C8orf89: variants seen among roughly 807,000 people sequenced by gnomAD.
The protein encoded by C8orf89 is chromosome 8 open reading frame 89, also known as putative uncharacterized protein C8orf89.
Under a neutral mutation model 15.8 loss-of-function variants are expected in C8orf89, and 14 were observed. The observed-to-expected ratio is 0.89, with a 90% confidence interval of 0.59 to 1.39. The LOEUF (loss-of-function observed/expected upper bound fraction) is 1.39. Among genes scored for constraint, C8orf89 ranks in the 40% most tolerant of loss-of-function variants. C8orf89 has a pLI of 0.00. For missense variants in C8orf89, 181 were observed against 184.5 expected (o/e 0.98, Z 0.11); for synonymous variants, 55 against 62.2 (o/e 0.88, Z 0.54).
chr8:73,260,254 C>A (rs797017992), upstream of C8orf89, among the ~76,000 whole-genome samples: 2 of 152,176 alleles, frequency 1.3e-5, 1 homozygote, highest in African/African-American at 4.8e-5. Context: ...ATGGATAATA[C>A]ATTTCTCTGA....
At chr8:73,246,498 C>T (rs1813126652) in intron 3 of C8orf89, among the ~76,000 whole-genome samples, 1 of 152,204 alleles carries the variant, frequency 6.6e-6, no homozygotes. Context: ...CCTGCCTCAG[C>T]TCCCTGAGTA....
the C8orf89 span, among the ~76,000 whole-genome samples, chr8:73,283,493 A>C: frequency 3.3e-5 from 5 of 152,334 alleles, no homozygotes; most frequent in African/African-American, 1.2e-4. Context: ...TCATAAGGTG[A>C]GGATTAAATT....
At chr8:73,285,249 G>C in the C8orf89 span, among the ~76,000 whole-genome samples, 152 of 152,260 alleles carry the variant, frequency 1.0e-3, no homozygotes, top group African/African-American at 3.5e-3. Context: ...CAATCTGTAA[G>C]GGTGTGTCCA....
chr8:73,269,888 G>A, the C8orf89 span, among the ~76,000 whole-genome samples: 1 of 152,144 alleles, frequency 6.6e-6, no homozygotes, highest in Non-Finnish European at 1.5e-5. Context: ...ATTTTAAAAT[G>A]TATTAAAAGG....
intron 2 of C8orf89, among the ~76,000 whole-genome samples, chr8:73,253,642 G>A (rs1207056801): frequency 1.3e-5 from 2 of 151,536 alleles, no homozygotes; most frequent in African/African-American, 2.4e-5. Context: ...TCCTTGAAGA[G>A]GTCCTTCACG....
intron 3 of C8orf89, among the ~76,000 whole-genome samples, chr8:73,243,133 A>G (rs183614086): frequency 2.0e-5 from 3 of 152,190 alleles, no homozygotes; most frequent in Admixed American, 2.0e-4. Flanking sequence ...GATAGAGACT[A>G]GAAGGATGGT....
chr8:73,261,557 C>T (rs953416698), upstream of C8orf89, among the ~76,000 whole-genome samples: 1 of 152,018 alleles, frequency 6.6e-6, no homozygotes, highest in African/African-American at 2.4e-5. Context: ...TCCTGAGGGG[C>T]CACTGCCTCA....
chr8:73,254,362 A>C (rs998487196), intron 2 of C8orf89, among the ~76,000 whole-genome samples: 5 of 152,034 alleles, frequency 3.3e-5, no homozygotes, highest in African/African-American at 1.2e-4. Context: ...TTTTTGCATC[A>C]ATGTTCATCA....
chr8:73,254,716 G>A (rs1276364478), intron 2 of C8orf89, among the ~76,000 whole-genome samples: 2 of 152,040 alleles, frequency 1.3e-5, no homozygotes, highest in Admixed American at 1.3e-4. Flanking sequence ...AGACATCTGT[G>A]GGTCTGAGTT....
chr8:73,254,049 C>T (rs368290862), intron 2 of C8orf89, among the ~76,000 whole-genome samples: 2 of 152,096 alleles, frequency 1.3e-5, no homozygotes, highest in Non-Finnish European at 2.9e-5. Context: ...TGCCCATTCA[C>T]TATGATATTG....
At chr8:73,255,260 A>C (rs1480891947) in intron 2 of C8orf89, among the ~76,000 whole-genome samples, 1 of 152,176 alleles carries the variant, frequency 6.6e-6, no homozygotes, top group Non-Finnish European at 1.5e-5. Context: ...ATTAACTCAA[A>C]CAAATTTACA....
intron 2 of C8orf89, among the ~76,000 whole-genome samples, chr8:73,254,180 A>G (rs1204586551): frequency 6.6e-6 from 1 of 152,098 alleles, no homozygotes; most frequent in African/African-American, 2.4e-5. Flanking sequence ...TTCTGCATCT[A>G]TTGAGATAAT....
chr8:73,267,097 G>C, the C8orf89 span, among the ~76,000 whole-genome samples: 5 of 152,014 alleles, frequency 3.3e-5, no homozygotes, highest in African/African-American at 1.2e-4. Flanking sequence ...GTAAATATAC[G>C]GTAATCCCCC....
At chr8:73,285,314 T>C in the C8orf89 span, among the ~76,000 whole-genome samples, 3 of 152,292 alleles carry the variant, frequency 2.0e-5, no homozygotes, top group African/African-American at 7.2e-5. Flanking sequence ...GCAGAAAGAA[T>C]ATACAGATCC....
intron 3 of C8orf89, among the ~76,000 whole-genome samples, chr8:73,245,434 T>C (rs1284465739): frequency 1.3e-5 from 2 of 152,014 alleles, no homozygotes; most frequent in Non-Finnish European, 2.9e-5. Context: ...AGGTTGAAAA[T>C]TTAAAACATA....
At chr8:73,259,991 C>G (rs184885083), upstream of C8orf89, among the ~76,000 whole-genome samples, 20 of 152,150 alleles carry the variant, frequency 1.3e-4, no homozygotes, top group African/African-American at 4.8e-4. Context: ...CCACCATGAC[C>G]GCTACCATTT....
chr8:73,267,942 A>G, the C8orf89 span, among the ~76,000 whole-genome samples: 1 of 152,176 alleles, frequency 6.6e-6, no homozygotes, highest in South Asian at 2.1e-4. Context: ...CACCATCTAT[A>G]TAGCATTCTT....
At chr8:73,278,154 G>A in the C8orf89 span, 1 of 241,964 alleles carries the variant, frequency 4.1e-6, no homozygotes, top group Non-Finnish European at 8.1e-6. Context: ...CTGAATAGAT[G>A]CTTACAAAAA....
chr8:73,267,209 CTATGATAATTTATAAAT>C, the C8orf89 span, among the ~76,000 whole-genome samples: 3 of 152,052 alleles, frequency 2.0e-5, no homozygotes, highest in African/African-American at 7.2e-5. Flanking sequence ...ATATACATAC[CTATGATAATTTATAAAT>C]TAGGCACAGT....
Sources: allele counts gnomAD v4.1 joint callset (sites outside exome capture counted in the v4.1 genomes callset), GRCh38; gene constraint gnomAD v4.1.1; transcripts MANE v1.5; gene names NCBI Gene and HGNC (gene_info 2026-07-23, HGNC 2026-07-21).